The following PLEKHA6 variants were observed in gnomAD, a reference collection of about 807,000 sequenced individuals.
The protein encoded by PLEKHA6 is pleckstrin homology domain containing A6.
PLEKHA6 carries 60 observed loss-of-function variants against 116.7 expected under a neutral mutation model. That is an observed-to-expected ratio of 0.51 (90% CI 0.42 to 0.64). The LOEUF is 0.64. Ranked by LOEUF, PLEKHA6 falls within the 30% of genes least tolerant of loss-of-function variation. PLEKHA6 has a pLI of 0.00. For missense variants in PLEKHA6, 1,338 were observed against 1,422.7 expected (o/e 0.94, Z 0.96); for synonymous variants, 489 against 556.1 (o/e 0.88, Z 1.70).
At position 204,331,728 on chromosome 1, in the gene PLEKHA6, C is replaced by T. The variant is rs138698702; in HGVS notation, c.-95+27966G>A. 4.3e-4 allele frequency among the ~76,000 whole-genome samples: 65 copies of T among 152,206 alleles called. No individual in the cohort carries two copies. In the East Asian group the frequency reaches 0.012, roughly 29 times the overall value. ...AGAAAAAGAGAAAGGAAAAAGAAAG[C>T]AACTGTAAGGAGTGAGGGAAGAAAG... On this transcript the variant is annotated intron_variant, in intron 1 of 22. Transcript: ENST00000272203.
chr1:204,372,025 G>A (rs1014145484), intron 1 of PLEKHA6, among the ~76,000 whole-genome samples: 1 of 152,196 alleles, frequency 6.6e-6, no homozygotes, highest in African/African-American at 2.4e-5. Flanking sequence ...CTAAAGTCAG[G>A]TGGGAAAAAC....
chr1:204,229,004 T>C lies in PLEKHA6; in HGVS notation c.2684A>G (p.Glu895Gly), dbSNP rs777393048. ...PGGHAYETPR[E>G]EIARLRKMEL... is the part of the protein sequence containing the mutation. ...CATTTTGCGAAGCCGGGCAATTTCC[T>C]CCCGGGGTGTCTCGTAGGCATGCCC... Residue 895 changes from glutamate to glycine, a missense_variant, in exon 19 of 23, where the codon GAG becomes GGG. This residue lies in a region of PLEKHA6 where 1,136 missense variants were observed against 1,163.6 expected (regional missense o/e 0.98). Transcript: ENST00000272203. The C allele has an allele frequency of 3.1e-6, 5 of 1,614,156 alleles. No individual in the cohort carries two copies. In the South Asian group the frequency reaches 3.3e-5, roughly 11 times the overall value.
chr1:204,350,860 A>G (rs1673255186), intron 1 of PLEKHA6, among the ~76,000 whole-genome samples: 1 of 152,220 alleles, frequency 6.6e-6, no homozygotes, highest in African/African-American at 2.4e-5. Flanking sequence ...GGTCGGAAAC[A>G]GCACAACATT....
At chr1:204,329,220 ACTCC>A (rs1672359751) in intron 1 of PLEKHA6, among the ~76,000 whole-genome samples, 1 of 151,798 alleles carries the variant, frequency 6.6e-6, no homozygotes, top group South Asian at 2.1e-4. Flanking sequence ...TCAGGCTCTG[ACTCC>A]CTCCATCAGT....
chr1:204,244,401 A>T (rs1663338969), intron 15 of PLEKHA6, among the ~76,000 whole-genome samples: 1 of 151,872 alleles, frequency 6.6e-6, no homozygotes, highest in South Asian at 2.1e-4. Context: ...TTGGCCTCCC[A>T]AAATGCTGGG....
chr1:204,230,342 G>T (rs1264803208), intron 18 of PLEKHA6, 71 bp downstream of exon 18: 2 of 1,273,224 alleles, frequency 1.6e-6, no homozygotes, highest in Non-Finnish European at 1.1e-6. Flanking sequence ...GCCCAAGCTG[G>T]CCATGCCCTG....
chr1:204,341,080 C>T (rs1414428894), intron 1 of PLEKHA6, among the ~76,000 whole-genome samples: 2 of 152,192 alleles, frequency 1.3e-5, no homozygotes, highest in Non-Finnish European at 2.9e-5. Flanking sequence ...GCCAGCTAGG[C>T]CCCCTCTCCT....
intron 17 of PLEKHA6, among the ~76,000 whole-genome samples, chr1:204,236,629 G>T (rs993206086): frequency 6.6e-6 from 1 of 152,192 alleles, no homozygotes; most frequent in East Asian, 1.9e-4. Flanking sequence ...GGCAAGGTGG[G>T]TGTAGCTACT....
At chr1:204,377,405 T>C (rs969417635) in intron 1 of PLEKHA6, among the ~76,000 whole-genome samples, 19 of 152,156 alleles carry the variant, frequency 1.2e-4, no homozygotes, top group Non-Finnish European at 2.4e-4. Context: ...CTTTGACCCA[T>C]TGAGGAAAAG....
chr1:204,331,065 C>T (rs1005440304), intron 1 of PLEKHA6, among the ~76,000 whole-genome samples: 3 of 152,086 alleles, frequency 2.0e-5, no homozygotes, highest in East Asian at 1.9e-4. Context: ...TGCATGTTGG[C>T]GGCGCATGCC....
intron 3 of PLEKHA6, among the ~76,000 whole-genome samples, chr1:204,270,515 C>A (rs1667337791): frequency 6.6e-6 from 1 of 152,150 alleles, no homozygotes; most frequent in African/African-American, 2.4e-5. Context: ...TAGCCACCCA[C>A]CCCAGAACTC....
chr1:204,307,018 G>A (rs1309567559), intron 1 of PLEKHA6, among the ~76,000 whole-genome samples: 1 of 152,120 alleles, frequency 6.6e-6, no homozygotes, highest in African/African-American at 2.4e-5. Flanking sequence ...TTTTTAATGA[G>A]AGACCCCGAG....
chr1:204,224,663 TG>T (rs1335405517), intron 21 of PLEKHA6, among the ~76,000 whole-genome samples: 2 of 152,222 alleles, frequency 1.3e-5, no homozygotes, highest in Non-Finnish European at 2.9e-5. Flanking sequence ...AGTTTGTGCA[TG>T]GGATCTGGCA....
Position 204,348,681 on chromosome 1 carries a change from T to C in PLEKHA6, c.-95+11013A>G, listed in dbSNP as rs545196010. On this transcript the variant is annotated intron_variant, in intron 1 of 22. Coordinates refer to ENST00000272203, the MANE Select transcript of PLEKHA6 (RefSeq NM_014935.5). ...CACAGCCACTCGCGCCCCTCTTGCT[T>C]CAGGCACTCCCAACTCAGCCCCCAG... 3.9e-5 allele frequency among the ~76,000 whole-genome samples: 6 copies of C among 151,982 alleles called. No individual in the cohort carries two copies. In the South Asian group the frequency reaches 6.2e-4, roughly 16 times the overall value.
chr1:204,308,938 C>A (rs972947169), intron 1 of PLEKHA6: 1 of 204,928 alleles, frequency 4.9e-6, no homozygotes, highest in East Asian at 1.9e-4. Context: ...ATCCGCCCAC[C>A]TTGGCCTCCC....
chr1:204,307,971 TA>T, intron 1 of PLEKHA6: 1 of 821,426 alleles, frequency 1.2e-6, no homozygotes, highest in Non-Finnish European at 1.5e-6. Context: ...AATATTCTCC[TA>T]AGGATCCGAT....
chr1:204,233,649 A>G (rs1398097987), intron 17 of PLEKHA6, among the ~76,000 whole-genome samples: 1 of 152,018 alleles, frequency 6.6e-6, no homozygotes, highest in Non-Finnish European at 1.5e-5. Flanking sequence ...GGGTCTCACT[A>G]TGTTGTCCAG....
At chr1:204,224,550 G>A (rs1006350651) in intron 21 of PLEKHA6, among the ~76,000 whole-genome samples, 2 of 151,804 alleles carry the variant, frequency 1.3e-5, no homozygotes, top group African/African-American at 4.8e-5. Context: ...AAGAGAAAGA[G>A]CCAAGGTGGC....
intron 1 of PLEKHA6, among the ~76,000 whole-genome samples, chr1:204,322,826 C>G (rs1672112398): frequency 6.6e-6 from 1 of 152,220 alleles, no homozygotes; most frequent in Non-Finnish European, 1.5e-5. Context: ...GGGGACCACT[C>G]TTCCCACCCC....
Sources: gnomAD v4.1 joint callset for allele counts (sites outside exome capture counted in the v4.1 genomes callset) on GRCh38, gnomAD v4.1.1 for gene constraint, gnomAD v4.1.1 regional missense constraint, MANE v1.5 for transcripts, NCBI Gene and HGNC (gene_info 2026-07-23, HGNC 2026-07-21) for gene names.